The following PCYT1A variants were observed in gnomAD, a reference collection of about 807,000 sequenced individuals.
PCYT1A encodes phosphate cytidylyltransferase 1A, choline, also known as choline-phosphate cytidylyltransferase A.
In PCYT1A, 25 loss-of-function variants were observed where a neutral mutation model predicts 43.7. That is an observed-to-expected ratio of 0.57 (90% CI 0.42 to 0.80). The LOEUF (loss-of-function observed/expected upper bound fraction) is 0.80. PCYT1A is among the 30% of genes least tolerant of loss of function. The pLI is 0.00. For synonymous variants in PCYT1A, 172 were observed against 170.7 expected (o/e 1.01, Z -0.06); for missense variants, 421 against 474.2 (o/e 0.89, Z 1.04).
In PCYT1A at chr3:196,239,859, C is replaced by T; in HGVS notation, c.709-124G>A. On this transcript the variant is annotated intron_variant, in intron 7 of 8. Transcript: ENST00000431016. ...GTTTTCAGTCTAGAATTTTGCTTTGCTTTAATCTACCCCACTCTCAGCATA... is the reference window on the plus strand; with the variant it reads ...GTTTTCAGTCTAGAATTTTGCTTTGTTTTAATCTACCCCACTCTCAGCATA... 4.5e-6 allele frequency: 3 copies of T among 669,342 alleles called. No individual in the cohort carries two copies. The South Asian group carries it at 5.4e-5, about 12-fold the overall frequency. The allele number at this position is 669,342 out of a possible 1,614,324, so 41.5% of individuals were successfully genotyped here.
In PCYT1A at chr3:196,252,792, C is replaced by A. The variant is rs985044790; in HGVS notation, c.218-4469G>T. ...CCTGTAATTCCAGCACCTTGGGAGA[C>A]CAAGGTAGGAGGACTGCTTGAGCCC... On this transcript the variant is annotated intron_variant, in intron 3 of 8. Coordinates refer to ENST00000431016, the MANE Select transcript of PCYT1A (RefSeq NM_001312673.2). This position sits in a 1 kb window ranked among gnomAD's most constrained non-coding sequence, Gnocchi z 4.0. Among the ~76,000 whole-genome samples the A allele has an allele frequency of 2.0e-5, 3 of 152,014 alleles. No homozygotes were observed. The highest frequency in any genetic ancestry group is 7.3e-5 in the African/African-American group (3 of 41,362).
rs375097572 is a variant in PCYT1A, at chr3:196,282,866, A to G, written c.-11+4749T>C. 6.6e-6 allele frequency among the ~76,000 whole-genome samples: 1 copy of G among 152,236 alleles called. No homozygotes were observed. Among genetic ancestry groups the G allele is most frequent in the African/African-American group, 2.4e-5 (1 of 41,462 alleles). On this transcript the variant is annotated intron_variant, in intron 1 of 8. Coordinates refer to ENST00000431016, the MANE Select transcript of PCYT1A (RefSeq NM_001312673.2). This position sits in a 1 kb window ranked among gnomAD's most constrained non-coding sequence, Gnocchi z 4.3. The stretch of plus-strand genomic sequence containing the variant: ...GCTCATTTTCTATAGAGCAGGGACC[A>G]TATGTCATTATTTTTGGCAGCCTTC...
intron 1 of PCYT1A, among the ~76,000 whole-genome samples, chr3:196,285,413 C>T (rs1456330533): frequency 2.0e-5 from 3 of 152,012 alleles, no homozygotes; most frequent in Admixed American, 6.6e-5. Flanking sequence ...GAGCTGGGAT[C>T]GTGCCAGCAC....
chr3:196,252,889 T>G lies in PCYT1A; in HGVS notation c.218-4566A>C, dbSNP rs577989103. Among the ~76,000 whole-genome samples, 1 of 150,702 alleles carries G rather than the reference T, an allele frequency of 6.6e-6. No homozygotes were observed. Among genetic ancestry groups the G allele is most frequent in the South Asian group, 2.1e-4 (1 of 4,752 alleles). ...TTAAAATTATTTTTTACTGCCAGCA[T>G]GTGTCAACTAAAAAAAAAGAAGAAA... On this transcript the variant is annotated intron_variant, in intron 3 of 8. Transcript: ENST00000431016. The surrounding 1 kb of genome is among the most constrained non-coding windows in gnomAD (Gnocchi z 4.0).
Position 196,257,845 on chromosome 3 carries a change from C to A in PCYT1A, c.160G>T (p.Asp54Tyr). ...PAPFSDEIEV[D>Y]FSKPYVRVTM... ...ACCCTGACATAGGGCTTACTAAAGT[C>A]AACTTCAATTTCATCAGAAAAAGGA... Residue 54 changes from aspartate (D) to tyrosine (Y), a missense_variant, in exon 3 of 9, where the codon GAC becomes TAC. Physicochemically the swap from Asp to Tyr is radical, Grantham distance 160. Around this residue, in one of 3 missense-constraint regions of PCYT1A, gnomAD observed 139 missense variants for 117.7 expected, o/e 1.18. Transcript: ENST00000431016. 6.2e-7 allele frequency: 1 copy of A among 1,613,366 alleles called. No individual in the cohort carries two copies. Among genetic ancestry groups the A allele is most frequent in the Non-Finnish European group, 8.5e-7 (1 of 1,179,612 alleles).
chr3:196,237,848 C>A lies in PCYT1A; in HGVS notation c.*840G>T, dbSNP rs1454288833. 6.6e-6 allele frequency: 1 copy of A among 152,222 alleles called. No homozygotes were observed. The highest frequency in any genetic ancestry group is 1.5e-5 in the Non-Finnish European group (1 of 68,040). The allele number at this position is 152,222 out of a possible 1,614,324, so 9.4% of individuals were successfully genotyped here. A position where few individuals can be genotyped will look rare whatever the true frequency, so the allele number is the denominator to read the frequency against. ...GTATAGGATTGAGTATTGTCCCGCT[C>A]CTCTCCTCATCATTGTAACTCTAAA... On this transcript the variant is annotated 3_prime_UTR_variant, in exon 9 of 9. Transcript: ENST00000431016.
chr3:196,277,781 GGATCACTT>G lies in PCYT1A; in HGVS notation c.-10-7248_-10-7241del, dbSNP rs1396182032. Among the ~76,000 whole-genome samples, 4 of 152,228 alleles carry G rather than the reference GGATCACTT, an allele frequency of 2.6e-5. No homozygotes were observed. ...AGCTACTTGGGAGGCTAAGGCAGGA[GGATCACTT>G]GATCCCTGGAGGTGGAGGTTGCAGT... is the stretch of plus-strand genomic sequence containing the variant. On this transcript the variant is annotated intron_variant, in intron 1 of 8. Transcript: ENST00000431016. The surrounding 1 kb of genome is among the most constrained non-coding windows in gnomAD (Gnocchi z 4.1).
chr3:196,280,340 G>A (rs560467203), intron 1 of PCYT1A, among the ~76,000 whole-genome samples: 5 of 152,096 alleles, frequency 3.3e-5, no homozygotes, highest in Non-Finnish European at 5.9e-5. Context: ...AATCTGCAGG[G>A]CACTGGTTCC....
At chr3:196,266,061 A>AG (rs1387500219) in intron 2 of PCYT1A, among the ~76,000 whole-genome samples, 5 of 151,500 alleles carry the variant, frequency 3.3e-5, no homozygotes, top group Admixed American at 1.3e-4. Flanking sequence ...TTAAAAAAAA[A>AG]TAAATAAACT....
chr3:196,248,120 C>A, intron 4 of PCYT1A, 87 bp downstream of exon 4: 1 of 779,690 alleles, frequency 1.3e-6, no homozygotes, highest in Admixed American at 1.9e-5. Context: ...AAAATGGAAA[C>A]AAGAGCCAGT....
intron 2 of PCYT1A, among the ~76,000 whole-genome samples, chr3:196,260,947 T>C (rs1044724981): frequency 2.0e-5 from 3 of 152,310 alleles, no homozygotes; most frequent in Non-Finnish European, 4.4e-5. Flanking sequence ...CAAATGTCCA[T>C]CAATGAATGG....
rs183819875 is a variant in PCYT1A, at chr3:196,246,603, C to T, written c.486+764G>A. The stretch of plus-strand genomic sequence containing the variant: ...GGGTTGATAATAACTTACTGAGAAA[C>T]AGTGAGAAATATCCTTGATTTCTGA... On this transcript the variant is annotated intron_variant, in intron 5 of 8. Coordinates refer to ENST00000431016, the MANE Select transcript of PCYT1A (RefSeq NM_001312673.2). Among the ~76,000 whole-genome samples, 190 of 152,308 alleles carry T rather than the reference C, an allele frequency of 1.2e-3. 1 individual carries two copies. The highest frequency in any genetic ancestry group is 4.4e-3 in the African/African-American group (182 of 41,578).
rs1724832304 is a variant in PCYT1A at position 196,252,466 on chromosome 3, C to T, written c.218-4143G>A. Among the ~76,000 whole-genome samples the T allele has an allele frequency of 6.6e-6, 1 of 152,158 alleles. No individual in the cohort carries two copies. Among genetic ancestry groups the T allele is most frequent in the African/African-American group, 2.4e-5 (1 of 41,430 alleles). ...ATGTTGGCCAGGCTGGTCTCAATTT[C>T]CTGACCTCAAGTGATCTGCCCGCCT... On this transcript the variant is annotated intron_variant, in intron 3 of 8. Coordinates refer to ENST00000431016, the MANE Select transcript of PCYT1A (RefSeq NM_001312673.2). This position sits in a 1 kb window ranked among gnomAD's most constrained non-coding sequence, Gnocchi z 4.0.
Position 196,238,649 on chromosome 3 carries a change from T to C in PCYT1A, c.*39A>G, listed in dbSNP as rs1274511322. On this transcript the variant is annotated 3_prime_UTR_variant, in exon 9 of 9. Transcript: ENST00000431016. ...TTCAACAGAGAGCTTCTGAAGGTAA[T>C]GGGACAGAAAGGGAGGACAGGAAAG... 7.6e-7 allele frequency: 1 copy of C among 1,324,352 alleles called. No individual in the cohort carries two copies. Among genetic ancestry groups the C allele is most frequent in the East Asian group, 2.7e-5 (1 of 36,492 alleles). 82.0% of individuals were successfully genotyped at this position (1,324,352 alleles called of 1,614,324 possible).
intron 3 of PCYT1A, 136 bp from the exon 4 acceptor site, chr3:196,248,459 C>A (rs1386085802): frequency 2.0e-6 from 1 of 501,922 alleles, no homozygotes; most frequent in Non-Finnish European, 3.7e-6. Flanking sequence ...GCAACTTCCG[C>A]CTCCTGGGTT....
rs75470234 is a variant in PCYT1A at position 196,237,802 on chromosome 3, A to T, written c.*886T>A. On this transcript the variant is annotated 3_prime_UTR_variant, in exon 9 of 9. Coordinates refer to ENST00000431016, the MANE Select transcript of PCYT1A (RefSeq NM_001312673.2). ...GGGCCAGGCACTTACTCCCAGTAGG[A>T]AACTAATCTCAATCGACTTGGTATA... 10,497 of 152,280 alleles carry T rather than the reference A, an allele frequency of 0.069. 434 individuals are homozygous for T. Among genetic ancestry groups the T allele is most frequent in the Middle Eastern group, 0.14 (40 of 294 alleles). 9.4% of individuals were successfully genotyped at this position (152,280 alleles called of 1,614,324 possible). A position where few individuals can be genotyped will look rare whatever the true frequency, so the allele number is the denominator to read the frequency against.
intron 5 of PCYT1A, among the ~76,000 whole-genome samples, chr3:196,244,460 C>T (rs1202758169): frequency 1.3e-5 from 2 of 151,168 alleles, no homozygotes; most frequent in East Asian, 3.9e-4. Flanking sequence ...CGGCCGCGAC[C>T]CGGTCTGGGA....
At chr3:196,248,466 G>C (rs1057445722) in intron 3 of PCYT1A, 143 bp from the exon 4 acceptor site, 1 of 500,420 alleles carries the variant, frequency 2.0e-6, no homozygotes, top group Non-Finnish European at 3.7e-6. Flanking sequence ...CCGCCTCCTG[G>C]GTTCAAGTGA....
chr3:196,254,744 G>A (rs961596994), intron 3 of PCYT1A, among the ~76,000 whole-genome samples: 1 of 152,034 alleles, frequency 6.6e-6, no homozygotes, highest in African/African-American at 2.4e-5. Flanking sequence ...TGAATTATAC[G>A]CTGCACCACT....
Sources: gnomAD v4.1 joint callset for allele counts (sites outside exome capture counted in the v4.1 genomes callset) on GRCh38, gnomAD v4.1.1 for gene constraint, gnomAD v4.1.1 regional missense constraint, Gnocchi (gnomAD v3.1) non-coding constraint, MANE v1.5 for transcripts, NCBI Gene and HGNC (gene_info 2026-07-23, HGNC 2026-07-21) for gene names.